SCMH1: variants seen among roughly 807,000 people sequenced by gnomAD.
SCMH1 encodes polycomb protein SCMH1.
SCMH1 carries 37 observed loss-of-function variants against 70.8 expected under a neutral mutation model. The observed-to-expected ratio is 0.52, with a 90% CI of 0.40 to 0.69. The LOEUF (loss-of-function observed/expected upper bound fraction) is 0.69. Among genes scored for constraint, SCMH1 ranks in the 30% least tolerant of loss-of-function variants. SCMH1 has a pLI of 0.00. For synonymous variants in SCMH1, 292 were observed against 307.4 expected (o/e 0.95, Z 0.52); for missense variants, 607 against 827.3 (o/e 0.73, Z 3.27).
intron 8 of SCMH1, among the ~76,000 whole-genome samples, chr1:41,077,959 GAACA>G (rs533413724): frequency 1.9e-3 from 286 of 152,054 alleles, no homozygotes; most frequent in Non-Finnish European, 2.7e-3. Context: ...CCAAATAATG[GAACA>G]AACAAACAGA....
At chr1:41,228,158 T>G (rs1660621971) in intron 1 of SCMH1, among the ~76,000 whole-genome samples, 1 of 152,182 alleles carries the variant, frequency 6.6e-6, no homozygotes, top group Non-Finnish European at 1.5e-5. Context: ...GACAAGGTAG[T>G]TGTGCCAGTG....
chr1:41,053,413 T>C (rs1305468377), intron 10 of SCMH1, among the ~76,000 whole-genome samples: 1 of 152,128 alleles, frequency 6.6e-6, no homozygotes, highest in African/African-American at 2.4e-5. Context: ...CCACTTCCTG[T>C]TTCTTGGGAC....
chr1:41,089,241 C>A (rs61781795), intron 8 of SCMH1, among the ~76,000 whole-genome samples: 45,380 of 152,036 alleles, frequency 0.3, 7,423 homozygotes, highest in African/African-American at 0.44. Context: ...CAATTTCCCA[C>A]TTGAAAATCT....
At chr1:41,146,893 A>G (rs778620064) in intron 5 of SCMH1, among the ~76,000 whole-genome samples, 1 of 151,928 alleles carries the variant, frequency 6.6e-6, no homozygotes, top group African/African-American at 2.4e-5. Context: ...AGTCCACTCT[A>G]TTTTTTTAAT....
intron 6 of SCMH1, among the ~76,000 whole-genome samples, chr1:41,136,460 C>T (rs544526362): frequency 1.6e-4 from 25 of 151,528 alleles, no homozygotes; most frequent in African/African-American, 2.7e-4. Context: ...TCACTGCAAC[C>T]GCCACCTCCC....
At chr1:41,155,581 C>A (rs1027437380) in intron 4 of SCMH1, among the ~76,000 whole-genome samples, 2 of 152,064 alleles carry the variant, frequency 1.3e-5, no homozygotes, top group Non-Finnish European at 2.9e-5. Flanking sequence ...ATTAATTATA[C>A]AATTCCTGGC....
At chr1:41,207,148 C>T (rs1440726139) in intron 1 of SCMH1, among the ~76,000 whole-genome samples, 1 of 152,140 alleles carries the variant, frequency 6.6e-6, no homozygotes, top group African/African-American at 2.4e-5. Flanking sequence ...GGCAAATAAC[C>T]AGCTATCATC....
chr1:41,090,125 CTT>C (rs974274726), intron 8 of SCMH1, among the ~76,000 whole-genome samples: 1 of 152,022 alleles, frequency 6.6e-6, no homozygotes, highest in Non-Finnish European at 1.5e-5. Flanking sequence ...TTCTCAAACT[CTT>C]TGGTGTCAAG....
intron 2 of SCMH1, among the ~76,000 whole-genome samples, chr1:41,184,048 T>A (rs746729722): frequency 2.6e-5 from 4 of 152,172 alleles, no homozygotes; most frequent in Non-Finnish European, 5.9e-5. Flanking sequence ...GTGAATGTCT[T>A]TAGTGTCACT....
At chr1:41,053,048 G>C (rs2148731595) in intron 10 of SCMH1, among the ~76,000 whole-genome samples, 1 of 150,062 alleles carries the variant, frequency 6.7e-6, no homozygotes, top group East Asian at 2.0e-4. Context: ...CTCCTGAGTA[G>C]CTGGGATTAC....
intron 8 of SCMH1, among the ~76,000 whole-genome samples, chr1:41,099,536 G>C (rs555893348): frequency 6.6e-6 from 1 of 152,218 alleles, no homozygotes; most frequent in African/African-American, 2.4e-5. Context: ...GAGGCATAGA[G>C]AAGTGAAGTG....
chr1:41,105,322 T>A (rs1279056806), intron 8 of SCMH1, among the ~76,000 whole-genome samples: 1 of 152,162 alleles, frequency 6.6e-6, no homozygotes, highest in Non-Finnish European at 1.5e-5. Flanking sequence ...ATTCTTATTT[T>A]TTGTAATTAA....
intron 8 of SCMH1, among the ~76,000 whole-genome samples, chr1:41,078,406 C>T (rs1020548226): frequency 6.6e-6 from 1 of 152,016 alleles, no homozygotes; most frequent in South Asian, 2.1e-4. Flanking sequence ...CTTATGGATT[C>T]AGCAATCCAT....
At chr1:41,084,111 C>A (rs1227852001) in intron 8 of SCMH1, among the ~76,000 whole-genome samples, 1 of 152,108 alleles carries the variant, frequency 6.6e-6, no homozygotes, top group African/African-American at 2.4e-5. Context: ...GCAACAAAAG[C>A]CAAAATTGAC....
chr1:41,095,934 A>G (rs190703299), intron 8 of SCMH1, among the ~76,000 whole-genome samples: 31 of 152,360 alleles, frequency 2.0e-4, no homozygotes, highest in African/African-American at 7.5e-4. Context: ...TAAAGATTGT[A>G]TAACAACACA....
intron 1 of SCMH1, among the ~76,000 whole-genome samples, chr1:41,241,852 G>T (rs61774690): frequency 0.12 from 17,740 of 151,736 alleles, 1,428 homozygotes; most frequent in East Asian, 0.32. Context: ...CGGCCTCCGG[G>T]CTCGGGGCCG....
intron 6 of SCMH1, among the ~76,000 whole-genome samples, chr1:41,132,637 T>A (rs902573529): frequency 6.6e-6 from 1 of 152,346 alleles, no homozygotes; most frequent in South Asian, 2.1e-4. Flanking sequence ...ATGTCCTGAA[T>A]GGTACTGCCC....
chr1:41,165,297 G>A (rs1345432785), intron 2 of SCMH1, among the ~76,000 whole-genome samples: 1 of 152,010 alleles, frequency 6.6e-6, no homozygotes, highest in Admixed American at 6.5e-5. Context: ...GGACACTTAA[G>A]TTATTCCCAT....
At chr1:41,049,498 G>A (rs898303715) in intron 10 of SCMH1, among the ~76,000 whole-genome samples, 15 of 151,888 alleles carry the variant, frequency 9.9e-5, no homozygotes, top group African/African-American at 2.7e-4. Flanking sequence ...TGGGCTGGGC[G>A]TGGTGGCTCA....
Sources: gnomAD v4.1 joint callset for allele counts (sites outside exome capture counted in the v4.1 genomes callset) on GRCh38, gnomAD v4.1.1 for gene constraint, MANE v1.5 for transcripts, NCBI Gene and HGNC (gene_info 2026-07-23, HGNC 2026-07-21) for gene names.